The following PTPN3 variants were observed in gnomAD, a reference collection of about 807,000 sequenced individuals.
PTPN3 encodes the protein tyrosine-protein phosphatase non-receptor type 3.
In PTPN3, 96 loss-of-function variants were observed where a neutral mutation model predicts 132.7. The ratio of observed to expected loss-of-function variants is 0.72; its 90% CI spans 0.61 to 0.86. The LOEUF (loss-of-function observed/expected upper bound fraction) is 0.86, where lower values mean the gene tolerates loss of function less well. PTPN3 is among the 40% of genes least tolerant of loss of function. PTPN3 has a pLI of 0.00. For missense variants in PTPN3, 1,125 were observed against 1,159.6 expected (o/e 0.97, Z 0.43); for synonymous variants, 398 against 429.0 (o/e 0.93, Z 0.89).
intron 14 of PTPN3, among the ~76,000 whole-genome samples, chr9:109,412,714 C>T: frequency 6.6e-6 from 1 of 151,774 alleles, no homozygotes; most frequent in Non-Finnish European, 1.5e-5. Context: ...ACTATGCTGC[C>T]TAGGCTGGTC....
chr9:109,420,702 C>T, intron 13 of PTPN3, 102 bp from the exon 14 acceptor site: 6 of 1,223,698 alleles, frequency 4.9e-6, no homozygotes, highest in East Asian at 2.5e-5. Context: ...TCTAAGGATG[C>T]CTTCCTTGGC....
intron 22 of PTPN3, among the ~76,000 whole-genome samples, chr9:109,384,749 G>A (rs1304976715): frequency 6.6e-6 from 1 of 152,174 alleles, no homozygotes; most frequent in Non-Finnish European, 1.5e-5. Flanking sequence ...GTGGAAAAGT[G>A]GTATAACCAT....
the PTPN3 span, among the ~76,000 whole-genome samples, chr9:109,516,616 A>G: frequency 0.026 from 4,024 of 152,280 alleles, 71 homozygotes; most frequent in Non-Finnish European, 0.037. Context: ...TACAACCAGG[A>G]GTCTGGACTT....
chr9:109,486,760 T>C (rs1847231794), intron 1 of PTPN3, among the ~76,000 whole-genome samples: 1 of 152,236 alleles, frequency 6.6e-6, no homozygotes, highest in Middle Eastern at 3.4e-3. Flanking sequence ...AATCCTCACA[T>C]GTCATGGGAG....
intron 7 of PTPN3, among the ~76,000 whole-genome samples, chr9:109,441,706 T>C (rs766586880): frequency 6.6e-6 from 1 of 152,092 alleles, no homozygotes; most frequent in Non-Finnish European, 1.5e-5. Flanking sequence ...ATTAACAATT[T>C]TCCATCATTG....
At chr9:109,395,615 C>T (rs932913018) in intron 19 of PTPN3, among the ~76,000 whole-genome samples, 87 of 152,136 alleles carry the variant, frequency 5.7e-4, no homozygotes, top group African/African-American at 2.0e-3. Flanking sequence ...GGTGAAACCC[C>T]ATCTCTACTA....
chr9:109,506,608 T>TTTCTTTC, the PTPN3 span, among the ~76,000 whole-genome samples: 1 of 26,060 alleles, frequency 3.8e-5, no homozygotes, highest in South Asian at 1.3e-3. Context: ...TCTTTCTTTC[T>TTTCTTTC]TTTTTTTTTT....
At chr9:109,516,932 A>G in the PTPN3 span, among the ~76,000 whole-genome samples, 1 of 152,170 alleles carries the variant, frequency 6.6e-6, no homozygotes, top group Non-Finnish European at 1.5e-5. Flanking sequence ...CGAGGTGAGC[A>G]GGGATGGAAT....
Position 109,463,759 on chromosome 9 carries a change from G to A in PTPN3, c.-17-308C>T, listed in dbSNP as rs547040991. Among the ~76,000 whole-genome samples, 14 of 152,186 alleles carry A rather than the reference G, an allele frequency of 9.2e-5. No homozygotes were observed. The South Asian group carries it at 2.9e-3, about 32-fold the overall frequency. On this transcript the variant is annotated intron_variant, in intron 1 of 25. Coordinates refer to ENST00000374541, the MANE Select transcript of PTPN3 (RefSeq NM_002829.4). ...TTTTATTTATGTTTCACAATTTTATGTATTTGTGTTCTACCTCTAAGGTTT... is the reference window on the plus strand; with the variant it reads ...TTTTATTTATGTTTCACAATTTTATATATTTGTGTTCTACCTCTAAGGTTT...
At chr9:109,503,840 C>A in the PTPN3 span, among the ~76,000 whole-genome samples, 1 of 152,100 alleles carries the variant, frequency 6.6e-6, no homozygotes, top group African/African-American at 2.4e-5. Context: ...TTGGTAGATT[C>A]ATTCATTAAA....
At chr9:109,382,756 T>G (rs1051377498) in intron 23 of PTPN3, among the ~76,000 whole-genome samples, 62 of 151,850 alleles carry the variant, frequency 4.1e-4, no homozygotes, top group African/African-American at 1.5e-3. Flanking sequence ...TGACTGTTTT[T>G]TTTTTTTTTT....
At chr9:109,475,895 AC>A (rs1846640193) in intron 1 of PTPN3, among the ~76,000 whole-genome samples, 1 of 152,142 alleles carries the variant, frequency 6.6e-6, no homozygotes, top group Non-Finnish European at 1.5e-5. Context: ...GGCCAGAGAA[AC>A]CCAATCCTCA....
intron 25 of PTPN3, 136 bp from the exon 26 acceptor site, chr9:109,379,769 T>TG: frequency 1.4e-6 from 1 of 729,016 alleles, no homozygotes; most frequent in Non-Finnish European, 2.4e-6. Context: ...CAGGTACACC[T>TG]GTGAAGCCCT....
At chr9:109,457,040 C>A (rs547621201) in intron 4 of PTPN3, 133 bp downstream of exon 4, 100 of 854,296 alleles carry the variant, frequency 1.2e-4, no homozygotes, top group Non-Finnish European at 1.3e-4. Context: ...AGGGAGAAGT[C>A]GGCTCACTCA....
At chr9:109,524,934 T>G in the PTPN3 span, among the ~76,000 whole-genome samples, 2 of 152,120 alleles carry the variant, frequency 1.3e-5, no homozygotes, top group African/African-American at 4.8e-5. Flanking sequence ...GACGGGGTTT[T>G]GCCGTGTTGT....
chr9:109,384,645 T>C (rs1839413950), intron 22 of PTPN3, among the ~76,000 whole-genome samples: 1 of 152,238 alleles, frequency 6.6e-6, no homozygotes, highest in Admixed American at 6.5e-5. Context: ...TCATAGATCC[T>C]TCTGTCAGTT....
At chr9:109,495,738 T>C (rs1291373022) in intron 1 of PTPN3, among the ~76,000 whole-genome samples, 1 of 152,256 alleles carries the variant, frequency 6.6e-6, no homozygotes, top group Non-Finnish European at 1.5e-5. Flanking sequence ...ACCAGGTCTC[T>C]GAGACTTGAA....
At chr9:109,508,710 T>C in the PTPN3 span, among the ~76,000 whole-genome samples, 1 of 140,880 alleles carries the variant, frequency 7.1e-6, no homozygotes, top group Non-Finnish European at 1.6e-5. Flanking sequence ...AGCTTAATAA[T>C]CAATCAGTAG....
At chr9:109,480,773 G>A (rs1334923123) in intron 1 of PTPN3, among the ~76,000 whole-genome samples, 2 of 152,092 alleles carry the variant, frequency 1.3e-5, no homozygotes, top group Non-Finnish European at 2.9e-5. Context: ...CGATCTTCTG[G>A]CAGAGCTAAC....
Sources: gnomAD v4.1 joint callset for allele counts (sites outside exome capture counted in the v4.1 genomes callset) on GRCh38, gnomAD v4.1.1 for gene constraint, MANE v1.5 for transcripts, NCBI Gene and HGNC (gene_info 2026-07-23, HGNC 2026-07-21) for gene names.